ITGB5: variants seen among roughly 807,000 people sequenced by gnomAD.
ITGB5 encodes integrin beta-5.
A neutral mutation model predicts 84.8 loss-of-function variants in ITGB5; 38 were observed. That is an observed-to-expected ratio of 0.45 (90% CI 0.35 to 0.59). The LOEUF (loss-of-function observed/expected upper bound fraction) is 0.59, where lower values mean the gene tolerates loss of function less well. Ranked by LOEUF, ITGB5 falls within the 20% of genes least tolerant of loss-of-function variation. The pLI, the probability that ITGB5 is intolerant of heterozygous loss-of-function variation, is 0.01. For missense variants in ITGB5, 905 were observed against 1,034.5 expected (o/e 0.87, Z 1.72); for synonymous variants, 393 against 414.4 (o/e 0.95, Z 0.63).
intron 2 of ITGB5, among the ~76,000 whole-genome samples, chr3:124,868,904 G>A (rs1273934507): frequency 6.6e-6 from 1 of 152,168 alleles, no homozygotes; most frequent in Non-Finnish European, 1.5e-5. Flanking sequence ...GAACCAGCAA[G>A]AGCACCGTGC....
At chr3:124,829,501 C>T (rs780606438) in intron 5 of ITGB5, among the ~76,000 whole-genome samples, 2 of 152,206 alleles carry the variant, frequency 1.3e-5, no homozygotes, top group African/African-American at 2.4e-5. Flanking sequence ...TGCGAGGGAA[C>T]GACCTCACTT....
At position 124,770,933 on chromosome 3, in the gene ITGB5, A is replaced by G. The variant is rs182700084; in HGVS notation, c.1917-1820T>C. ...CCCTGCACCAGCCTCCCAGATTAGC[A>G]CAGGGCTAAGAGGGCTGCTTTCTCT... On this transcript the variant is annotated intron_variant, in intron 11 of 14. Coordinates refer to ENST00000296181, the MANE Select transcript of ITGB5 (RefSeq NM_002213.5). Among the ~76,000 whole-genome samples, 298 of 135,360 alleles carry G rather than the reference A, an allele frequency of 2.2e-3. 1 individual carries two copies. The highest frequency in any genetic ancestry group is 3.6e-3 in the Non-Finnish European group (233 of 64,452). The allele number at this position is 135,360 out of a possible 152,430, so 88.8% of individuals were successfully genotyped here.
At chr3:124,899,546 C>A (rs1935177926) in intron 1 of ITGB5, among the ~76,000 whole-genome samples, 1 of 151,982 alleles carries the variant, frequency 6.6e-6, no homozygotes, top group Non-Finnish European at 1.5e-5. Context: ...AAGAGGAAGT[C>A]ATATCTGGGG....
Position 124,763,622 on chromosome 3 carries a change from A to G in ITGB5, c.*1T>C. 6.4e-7 allele frequency: 1 copy of G among 1,574,228 alleles called. No homozygotes were observed. Among genetic ancestry groups the G allele is most frequent in the East Asian group, 2.2e-5 (1 of 44,704 alleles). On this transcript the variant is annotated 3_prime_UTR_variant, in exon 15 of 15. Transcript: ENST00000296181. The stretch of plus-strand genomic sequence containing the variant: ...GCTCCAGCCCCTCGGAGAAGGAAAC[A>G]TCAGTCCACAGTGCCATTGTAGGAT...
chr3:124,891,242 G>A (rs1259138266), upstream of ITGB5, among the ~76,000 whole-genome samples: 1 of 152,110 alleles, frequency 6.6e-6, no homozygotes, highest in African/African-American at 2.4e-5. Context: ...ATTGAAAGCA[G>A]GGACTCAAAC....
At chr3:124,833,327 A>C (rs1579268059) in intron 5 of ITGB5, among the ~76,000 whole-genome samples, 1 of 152,232 alleles carries the variant, frequency 6.6e-6, no homozygotes, top group Non-Finnish European at 1.5e-5. Flanking sequence ...CCATTTTTGC[A>C]GGAAAAACAT....
chr3:124,773,887 T>C lies in ITGB5; in HGVS notation c.1719A>G (p.Glu573=), dbSNP rs16835978. The C allele has an allele frequency of 0.027, 43,028 of 1,614,072 alleles. 1,137 individuals are homozygous for C. The highest frequency in any genetic ancestry group is 0.13 in the African/African-American group (10,099 of 75,024). ...CGATGTAACCTGCATGGCACTTGCA[T>C]TCCCCGCAGTGACACTCGCCATGGC... The part of the protein sequence containing the change: ...CSGHGECHCG[E]CKCHAGYIGD... Residue 573 remains glutamate, a synonymous_variant, in exon 11 of 15, where the codon GAA becomes GAG. Transcript: ENST00000296181.
intron 10 of ITGB5, among the ~76,000 whole-genome samples, chr3:124,776,597 C>T (rs1030319721): frequency 1.3e-5 from 2 of 152,172 alleles, no homozygotes; most frequent in African/African-American, 2.4e-5. Context: ...TTTAAAGATG[C>T]ATTACAAAGT....
intron 2 of ITGB5, among the ~76,000 whole-genome samples, chr3:124,869,347 A>G (rs1396918210): frequency 6.6e-6 from 1 of 152,090 alleles, no homozygotes; most frequent in Non-Finnish European, 1.5e-5. Flanking sequence ...AGGCAGAGGC[A>G]GGCAGATCAC....
rs1233312912 is a variant in ITGB5 at position 124,821,367 on chromosome 3, G to A, written c.888C>T (p.His296=). 3.7e-6 allele frequency: 6 copies of A among 1,614,118 alleles called. No individual in the cohort carries two copies. The highest frequency in any genetic ancestry group is 1.7e-6 in the Non-Finnish European group (2 of 1,180,042). The part of the protein sequence containing the change: ...DGKLGGLVQP[H]DGQCHLNEAN... ...CCTCGTTCAGGTGGCACTGGCCATC[G>A]TGTGGCTGCACCAGGCCTCCCAATT... Residue 296 remains histidine, a synonymous_variant, in exon 6 of 15, where the codon CAC becomes CAT. Coordinates refer to ENST00000296181, the MANE Select transcript of ITGB5 (RefSeq NM_002213.5).
Position 124,819,728 on chromosome 3 carries a change from TC to T in ITGB5, c.1038+10del, listed in dbSNP as rs2064668595. 9.4e-6 allele frequency: 15 copies of T among 1,592,926 alleles called. No individual in the cohort carries two copies. Among genetic ancestry groups the T allele is most frequent in the Non-Finnish European group, 1.3e-5 (15 of 1,160,818 alleles). On this transcript the variant is annotated intron_variant, in intron 7 of 14. Transcript: ENST00000296181. The stretch of plus-strand genomic sequence containing the variant: ...CCCACAAATCACTAGCCTCCCTCCC[TC>T]CCAGCATACCTTGTACAGCATATAA...
intron 5 of ITGB5, among the ~76,000 whole-genome samples, chr3:124,828,184 C>G (rs1256337221): frequency 6.6e-6 from 1 of 152,210 alleles, no homozygotes; most frequent in East Asian, 1.9e-4. Flanking sequence ...CATCCCACTC[C>G]TGGGTACTGA....
intron 5 of ITGB5, among the ~76,000 whole-genome samples, chr3:124,822,668 C>G (rs1189869418): frequency 2.6e-5 from 4 of 152,212 alleles, no homozygotes; most frequent in Non-Finnish European, 1.5e-5. Flanking sequence ...CTACAGTGAA[C>G]AAAGGGATTA....
chr3:124,873,299 C>G, intron 2 of ITGB5, 147 bp downstream of exon 2: 1 of 704,200 alleles, frequency 1.4e-6, no homozygotes. Context: ...TTTGTCATCA[C>G]TCTGCCCTGA....
intron 2 of ITGB5, among the ~76,000 whole-genome samples, chr3:124,864,801 T>C (rs908994029): frequency 2.6e-5 from 4 of 151,938 alleles, no homozygotes; most frequent in Non-Finnish European, 5.9e-5. Flanking sequence ...TGATGTCTGA[T>C]GGCGTAACAG....
intron 1 of ITGB5, among the ~76,000 whole-genome samples, chr3:124,875,500 A>G (rs2107642916): frequency 6.6e-6 from 1 of 151,708 alleles, no homozygotes; most frequent in East Asian, 1.9e-4. Context: ...AAAAAAGACA[A>G]AAGCCAGTGC....
Position 124,818,595 on chromosome 3 carries a change from C to T in ITGB5, c.1039-885G>A, listed in dbSNP as rs1310038687. 4.9e-5 allele frequency among the ~76,000 whole-genome samples: 7 copies of T among 144,102 alleles called. No individual in the cohort carries two copies. In the East Asian group the frequency reaches 1.4e-3, roughly 30 times the overall value. 94.5% of individuals were successfully genotyped at this position (144,102 alleles called of 152,430 possible). Reference sequence around the variant, plus strand: ...ATTGTGCAATCTTGGTTCACGGCAACCTCTGCCCCCTGGGTTCAAGAGATT... The same window carrying T: ...ATTGTGCAATCTTGGTTCACGGCAATCTCTGCCCCCTGGGTTCAAGAGATT... On this transcript the variant is annotated intron_variant, in intron 7 of 14. Coordinates refer to ENST00000296181, the MANE Select transcript of ITGB5 (RefSeq NM_002213.5).
intron 1 of ITGB5, among the ~76,000 whole-genome samples, chr3:124,896,509 G>A (rs1168977838): frequency 6.6e-6 from 1 of 152,102 alleles, no homozygotes; most frequent in African/African-American, 2.4e-5. Context: ...AGCACTTTGG[G>A]AGGCCAAAGC....
intron 5 of ITGB5, among the ~76,000 whole-genome samples, chr3:124,821,890 G>A (rs2064710200): frequency 6.6e-6 from 1 of 151,638 alleles, no homozygotes; most frequent in African/African-American, 2.4e-5. Context: ...TGGTTGGCTG[G>A]GCTAGCTAGT....
Sources: gnomAD v4.1 joint callset for allele counts (sites outside exome capture counted in the v4.1 genomes callset) on GRCh38, gnomAD v4.1.1 for gene constraint, MANE v1.5 for transcripts, NCBI Gene and HGNC (gene_info 2026-07-23, HGNC 2026-07-21) for gene names.